The following EXOC6B variants were observed in gnomAD, a reference collection of about 807,000 sequenced individuals.
EXOC6B encodes SEC15 homolog B.
Under a neutral mutation model 113.5 loss-of-function variants are expected in EXOC6B, and 54 were observed. The observed-to-expected ratio is 0.48, with a 90% confidence interval of 0.38 to 0.60. The LOEUF (loss-of-function observed/expected upper bound fraction) is 0.60. Ranked by LOEUF, EXOC6B falls within the 20% of genes least tolerant of loss-of-function variation. EXOC6B has a pLI of 0.00. For missense variants in EXOC6B, 797 were observed against 977.5 expected (o/e 0.82, Z 2.46); for synonymous variants, 357 against 339.0 (o/e 1.05, Z -0.58).
intron 8 of EXOC6B, among the ~76,000 whole-genome samples, chr2:72,554,324 T>TG: frequency 6.6e-6 from 1 of 152,290 alleles, no homozygotes; most frequent in South Asian, 2.1e-4. Flanking sequence ...TTTTAAAAAG[T>TG]GGGGGATCAA....
At chr2:72,782,151 A>AAAAAG (rs1306480322) in intron 1 of EXOC6B, among the ~76,000 whole-genome samples, 10 of 151,644 alleles carry the variant, frequency 6.6e-5, no homozygotes, top group East Asian at 1.9e-4. Context: ...AAAAAAAAAA[A>AAAAAG]AAAAGAAAAG....
chr2:72,769,186 C>T (rs1295092013), intron 1 of EXOC6B, among the ~76,000 whole-genome samples: 1 of 152,056 alleles, frequency 6.6e-6, no homozygotes, highest in Non-Finnish European at 1.5e-5. Flanking sequence ...ATAAATGAGT[C>T]CTTCACTAAA....
intron 20 of EXOC6B, among the ~76,000 whole-genome samples, chr2:72,230,205 A>G (rs752693221): frequency 6.6e-6 from 1 of 152,188 alleles, no homozygotes; most frequent in Admixed American, 6.5e-5. Flanking sequence ...GCGTGTCCCA[A>G]ATTTATTTAC....
chr2:72,695,492 A>C (rs1271541627), intron 6 of EXOC6B, among the ~76,000 whole-genome samples: 1 of 152,172 alleles, frequency 6.6e-6, no homozygotes, highest in Non-Finnish European at 1.5e-5. Flanking sequence ...TTTTTTGAAC[A>C]GAGAAACCAA....
At chr2:72,268,468 T>C (rs956525125) in intron 20 of EXOC6B, among the ~76,000 whole-genome samples, 2 of 151,954 alleles carry the variant, frequency 1.3e-5, no homozygotes, top group East Asian at 3.9e-4. Flanking sequence ...ATATTGAAAA[T>C]AATAATGAAA....
At chr2:72,198,925 C>G (rs1164442862) in intron 20 of EXOC6B, among the ~76,000 whole-genome samples, 1 of 152,186 alleles carries the variant, frequency 6.6e-6, no homozygotes, top group Non-Finnish European at 1.5e-5. Context: ...GCAACTATGA[C>G]TGTGTGACAA....
chr2:72,537,908 A>G (rs1176304015), intron 8 of EXOC6B, among the ~76,000 whole-genome samples: 1 of 152,164 alleles, frequency 6.6e-6, no homozygotes, highest in African/African-American at 2.4e-5. Flanking sequence ...AGAGGGCTCA[A>G]TAAAATCATG....
At chr2:72,666,393 TCA>T (rs1260816796) in intron 6 of EXOC6B, among the ~76,000 whole-genome samples, 1 of 152,116 alleles carries the variant, frequency 6.6e-6, no homozygotes, top group Non-Finnish European at 1.5e-5. Context: ...ACATGCTTGG[TCA>T]TATGGCAAGA....
chr2:72,249,331 C>G (rs1208901338), intron 20 of EXOC6B, among the ~76,000 whole-genome samples: 3 of 152,102 alleles, frequency 2.0e-5, no homozygotes, highest in Non-Finnish European at 4.4e-5. Context: ...GCAATCTCGG[C>G]TAACTGCAAG....
At chr2:72,696,111 G>A (rs1424253799) in intron 6 of EXOC6B, among the ~76,000 whole-genome samples, 2 of 152,160 alleles carry the variant, frequency 1.3e-5, no homozygotes, top group Non-Finnish European at 2.9e-5. Context: ...TGTCAGTCAT[G>A]TATCACATAC....
chr2:72,577,864 T>C (rs1201693493), intron 6 of EXOC6B, among the ~76,000 whole-genome samples: 1 of 151,984 alleles, frequency 6.6e-6, no homozygotes, highest in Non-Finnish European at 1.5e-5. Context: ...TGGGATGGAA[T>C]AGAGGGAGAG....
intron 19 of EXOC6B, among the ~76,000 whole-genome samples, chr2:72,373,712 C>T (rs1325613547): frequency 6.6e-6 from 1 of 152,180 alleles, no homozygotes; most frequent in Non-Finnish European, 1.5e-5. Flanking sequence ...ACTACAATGA[C>T]ATAGCACTTA....
intron 16 of EXOC6B, among the ~76,000 whole-genome samples, chr2:72,488,069 A>T (rs938635641): frequency 6.6e-6 from 1 of 152,180 alleles, no homozygotes. Flanking sequence ...CCACCATTTT[A>T]TTAAAAGCGC....
In EXOC6B at chr2:72,177,032, C is replaced by A. The variant is rs1244805690; in HGVS notation, c.*2303G>T. 1.3e-5 allele frequency: 2 copies of A among 152,164 alleles called. No individual in the cohort carries two copies. Among genetic ancestry groups the A allele is most frequent in the African/African-American group, 4.8e-5 (2 of 41,440 alleles). 9.4% of individuals were successfully genotyped at this position (152,164 alleles called of 1,614,324 possible). ...CCTGTTTTTACCTTCCCTGGCCCAC[C>A]AAGAGTATGTCTCTACATACAACTC... On this transcript the variant is annotated 3_prime_UTR_variant, in exon 22 of 22. Coordinates refer to ENST00000272427, the MANE Select transcript of EXOC6B (RefSeq NM_015189.3).
At chr2:72,558,691 C>G (rs1703714241) in intron 8 of EXOC6B, among the ~76,000 whole-genome samples, 2 of 152,046 alleles carry the variant, frequency 1.3e-5, no homozygotes. Flanking sequence ...ATCGCTTGAA[C>G]CCGGGAGGCG....
At chr2:72,369,630 A>G (rs1162449590) in intron 19 of EXOC6B, among the ~76,000 whole-genome samples, 1 of 152,348 alleles carries the variant, frequency 6.6e-6, no homozygotes, top group East Asian at 1.9e-4. Flanking sequence ...GGCTATAGTA[A>G]CCAAAACAGC....
Position 72,595,268 on chromosome 2 carries a change from T to TATATATAG in EXOC6B, c.670-19608_670-19601dup, listed in dbSNP as rs1187657801. ...AGAGCAAGATTCTGTCTCAAATATA[T>TATATATAG]ATATATAGATATATAGATATATATA... On this transcript the variant is annotated intron_variant, in intron 6 of 21. Coordinates refer to ENST00000272427, the MANE Select transcript of EXOC6B (RefSeq NM_015189.3). Among the ~76,000 whole-genome samples the TATATATAG allele has an allele frequency of 3.6e-3, 524 of 146,820 alleles. 5 individuals are homozygous for TATATATAG. Among genetic ancestry groups the TATATATAG allele is most frequent in the African/African-American group, 0.013 (502 of 40,030 alleles).
At chr2:72,628,071 T>A (rs1005622382) in intron 6 of EXOC6B, among the ~76,000 whole-genome samples, 19 of 152,148 alleles carry the variant, frequency 1.2e-4, no homozygotes, top group African/African-American at 4.6e-4. Flanking sequence ...AATAATATTT[T>A]ATAAGAAGTT....
intron 20 of EXOC6B, among the ~76,000 whole-genome samples, chr2:72,272,297 T>A (rs1207993172): frequency 1.3e-5 from 2 of 152,162 alleles, no homozygotes; most frequent in Non-Finnish European, 2.9e-5. Flanking sequence ...TCTTCATCCC[T>A]GTCATCTAGG....
Sources: gnomAD v4.1 joint callset for allele counts (sites outside exome capture counted in the v4.1 genomes callset) on GRCh38, gnomAD v4.1.1 for gene constraint, MANE v1.5 for transcripts, NCBI Gene and HGNC (gene_info 2026-07-23, HGNC 2026-07-21) for gene names.